The following GRM8 variants were observed in gnomAD, a reference collection of about 807,000 sequenced individuals.
GRM8 encodes the protein glutamate metabotropic receptor 8.
Under a neutral mutation model 87.2 loss-of-function variants are expected in GRM8, and 47 were observed. That is an observed-to-expected ratio of 0.54 (90% CI 0.43 to 0.69). GRM8 has a LOEUF of 0.69. Ranked by LOEUF, GRM8 falls within the 30% of genes least tolerant of loss-of-function variation. The pLI is 0.00. For synonymous variants in GRM8, 396 were observed against 404.5 expected (o/e 0.98, Z 0.25); for missense variants, 1,019 against 1,139.2 (o/e 0.89, Z 1.52).
At chr7:126,778,570 A>C (rs180702722) in intron 6 of GRM8, among the ~76,000 whole-genome samples, 1 of 152,306 alleles carries the variant, frequency 6.6e-6, no homozygotes, top group Admixed American at 6.5e-5. Flanking sequence ...GATTAAATTC[A>C]ATTATTTGCA....
At chr7:126,746,055 T>G (rs961288055) in intron 7 of GRM8, among the ~76,000 whole-genome samples, 11 of 151,788 alleles carry the variant, frequency 7.2e-5, no homozygotes, top group Admixed American at 4.0e-4. Context: ...GGGGCCATTA[T>G]AAAATATTAC....
chr7:126,621,488 G>T (rs148470409), intron 7 of GRM8, among the ~76,000 whole-genome samples: 5 of 151,934 alleles, frequency 3.3e-5, no homozygotes, highest in Non-Finnish European at 5.9e-5. Context: ...GCTCCATCTC[G>T]GCTCACTGCA....
rs1022762818 is a variant in GRM8, at chr7:127,068,114, G to A, written c.727+38382C>T. Among the ~76,000 whole-genome samples the A allele has an allele frequency of 4.0e-5, 6 of 151,810 alleles. No individual in the cohort carries two copies. In the East Asian group the frequency reaches 7.8e-4, roughly 20 times the overall value. On this transcript the variant is annotated intron_variant, in intron 3 of 10. Coordinates refer to ENST00000339582, the MANE Select transcript of GRM8 (RefSeq NM_000845.3). ...TTTTCCCCCATTCCTTCCATCCCTCGTATTAGTCAAGGATAATTTCCTGAA... is the reference window on the plus strand; with the variant it reads ...TTTTCCCCCATTCCTTCCATCCCTCATATTAGTCAAGGATAATTTCCTGAA...
intron 2 of GRM8, among the ~76,000 whole-genome samples, chr7:127,134,552 A>C (rs1410727541): frequency 6.6e-6 from 1 of 152,216 alleles, no homozygotes; most frequent in Non-Finnish European, 1.5e-5. Flanking sequence ...ATCAATTGTA[A>C]AGATGGTCAA....
chr7:127,016,927 A>G (rs1420821479), intron 3 of GRM8, among the ~76,000 whole-genome samples: 1 of 152,052 alleles, frequency 6.6e-6, no homozygotes, highest in African/African-American at 2.4e-5. Flanking sequence ...TTATTCATTT[A>G]TTCATTCAAT....
At chr7:127,205,161 C>G (rs145945980) in intron 2 of GRM8, among the ~76,000 whole-genome samples, 5 of 152,294 alleles carry the variant, frequency 3.3e-5, no homozygotes, top group African/African-American at 1.2e-4. Flanking sequence ...TGAGAACAGA[C>G]GCGCCACTGC....
intron 6 of GRM8, among the ~76,000 whole-genome samples, chr7:126,777,396 C>T (rs538023674): frequency 2.6e-5 from 4 of 152,176 alleles, no homozygotes; most frequent in Non-Finnish European, 4.4e-5. Context: ...TGGCAGTAAA[C>T]GGCAATTTAA....
At chr7:127,042,896 A>T (rs1188358595) in intron 3 of GRM8, among the ~76,000 whole-genome samples, 4 of 152,278 alleles carry the variant, frequency 2.6e-5, no homozygotes, top group Middle Eastern at 3.4e-3. Context: ...GAATCTACAA[A>T]GAACTCAAAC....
At chr7:126,968,993 A>G (rs540587201) in intron 3 of GRM8, among the ~76,000 whole-genome samples, 23 of 152,326 alleles carry the variant, frequency 1.5e-4, no homozygotes, top group African/African-American at 5.5e-4. Flanking sequence ...TTTATTTCCT[A>G]GTGCATATAA....
intron 6 of GRM8, among the ~76,000 whole-genome samples, chr7:126,897,050 A>T (rs534598441): frequency 6.6e-6 from 1 of 152,312 alleles, no homozygotes; most frequent in East Asian, 1.9e-4. Flanking sequence ...GATGAATGAA[A>T]CAAAGGAAGG....
rs1449968815 is a variant in GRM8 at position 126,777,297 on chromosome 7, T to C, written c.1157-7232A>G. 2.0e-5 allele frequency among the ~76,000 whole-genome samples: 3 copies of C among 152,166 alleles called. No homozygotes were observed. In the East Asian group the frequency reaches 5.8e-4, roughly 29 times the overall value. On this transcript the variant is annotated intron_variant, in intron 6 of 10. Transcript: ENST00000339582. ...AAGAGTACTTCACAAATAGTATCCC[T>C]TTAATTCTAAATTATTACTACTCCT...
chr7:127,079,233 C>T (rs1485728684), intron 3 of GRM8, among the ~76,000 whole-genome samples: 6 of 152,134 alleles, frequency 3.9e-5, no homozygotes, highest in African/African-American at 7.2e-5. Flanking sequence ...AGTGATTCTC[C>T]TGCCTCAGCC....
At chr7:126,531,272 TA>T (rs1814774955) in intron 9 of GRM8, among the ~76,000 whole-genome samples, 2 of 152,228 alleles carry the variant, frequency 1.3e-5, no homozygotes, top group Admixed American at 1.3e-4. Flanking sequence ...TAGCATTTCT[TA>T]ATTGATTTCT....
intron 2 of GRM8, among the ~76,000 whole-genome samples, chr7:127,206,111 T>C (rs1342102359): frequency 6.6e-6 from 1 of 152,182 alleles, no homozygotes; most frequent in African/African-American, 2.4e-5. Flanking sequence ...TCCTAATGAA[T>C]GTATTTCTCC....
intron 2 of GRM8, among the ~76,000 whole-genome samples, chr7:127,170,657 G>A (rs566048744): frequency 1.6e-4 from 24 of 152,302 alleles, no homozygotes; most frequent in Middle Eastern, 3.4e-3. Flanking sequence ...ATACCACTCA[G>A]CCATAAACAT....
intron 2 of GRM8, among the ~76,000 whole-genome samples, chr7:127,212,181 C>A (rs980921600): frequency 3.3e-5 from 5 of 152,110 alleles, no homozygotes; most frequent in African/African-American, 9.7e-5. Context: ...ATTTTCAATT[C>A]TATTACTATT....
chr7:126,777,898 C>A (rs1819645400), intron 6 of GRM8, among the ~76,000 whole-genome samples: 1 of 152,102 alleles, frequency 6.6e-6, no homozygotes, highest in Admixed American at 6.6e-5. Context: ...GTGATAAAGA[C>A]CAACGCTAAT....
chr7:126,650,249 C>T (rs1803657783), intron 7 of GRM8, among the ~76,000 whole-genome samples: 1 of 152,266 alleles, frequency 6.6e-6, no homozygotes, highest in South Asian at 2.1e-4. Context: ...GAGGAAATGG[C>T]TCAAATGCCC....
chr7:126,883,143 G>A (rs3993585), intron 6 of GRM8, among the ~76,000 whole-genome samples: 9 of 152,260 alleles, frequency 5.9e-5, no homozygotes, highest in East Asian at 1.9e-4. Context: ...AACAAAACTC[G>A]AGAAGCTTCG....
Sources: allele counts gnomAD v4.1 joint callset (sites outside exome capture counted in the v4.1 genomes callset), GRCh38; gene constraint gnomAD v4.1.1; transcripts MANE v1.5; gene names NCBI Gene and HGNC (gene_info 2026-07-23, HGNC 2026-07-21).